EEF2K: variants seen among roughly 807,000 people sequenced by gnomAD.
The protein encoded by EEF2K is alternative protein EEF2K.
A neutral mutation model predicts 93.8 loss-of-function variants in EEF2K; 70 were observed. The observed-to-expected ratio is 0.75, with a 90% CI of 0.62 to 0.91. EEF2K has a LOEUF of 0.91. Among genes scored for constraint, EEF2K ranks in the 40% least tolerant of loss-of-function variants. EEF2K has a pLI of 0.00. For missense variants in EEF2K, 935 were observed against 972.9 expected (o/e 0.96, Z 0.52); for synonymous variants, 376 against 380.8 (o/e 0.99, Z 0.15).
At chr16:22,248,897 C>T in intron 4 of EEF2K, 82 bp downstream of exon 4, 1 of 1,341,580 alleles carries the variant, frequency 7.5e-7, no homozygotes, top group African/African-American at 1.5e-5. Context: ...ACCCTTCTCT[C>T]CCACTCCCAC....
intron 16 of EEF2K, among the ~76,000 whole-genome samples, chr16:22,274,270 A>G (rs1362431512): frequency 6.6e-6 from 1 of 151,988 alleles, no homozygotes; most frequent in Non-Finnish European, 1.5e-5. Flanking sequence ...GTGAAACCCC[A>G]TCTCTACTAA....
intron 1 of EEF2K, among the ~76,000 whole-genome samples, chr16:22,214,744 A>AAG (rs1332874150): frequency 2.0e-5 from 3 of 152,174 alleles, no homozygotes; most frequent in African/African-American, 7.2e-5. Flanking sequence ...CTGCGTCTTG[A>AAG]AGAGATTAAA....
intron 6 of EEF2K, among the ~76,000 whole-genome samples, chr16:22,253,471 C>T (rs1270228452): frequency 3.9e-5 from 6 of 152,148 alleles, no homozygotes; most frequent in Non-Finnish European, 7.3e-5. Flanking sequence ...CCTCCACAAG[C>T]TTGTTCCTGC....
chr16:22,253,474 G>T (rs1264124082), intron 6 of EEF2K, among the ~76,000 whole-genome samples: 1 of 152,000 alleles, frequency 6.6e-6, no homozygotes, highest in Non-Finnish European at 1.5e-5. Flanking sequence ...CCACAAGCTT[G>T]TTCCTGCCCC....
intron 1 of EEF2K, among the ~76,000 whole-genome samples, chr16:22,216,435 A>G (rs1567258472): frequency 6.6e-6 from 1 of 152,092 alleles, no homozygotes; most frequent in Non-Finnish European, 1.5e-5. Flanking sequence ...TTTGAGGTTG[A>G]TAAGCTTTTG....
chr16:22,250,795 C>T, intron 5 of EEF2K, 104 bp downstream of exon 5: 1 of 1,459,976 alleles, frequency 6.8e-7, no homozygotes, highest in Non-Finnish European at 9.4e-7. Flanking sequence ...AGCCAGGGGC[C>T]TCTGCCTTCT....
At chr16:22,266,934 T>C (rs987259745) in intron 15 of EEF2K, 58 bp downstream of exon 15, 1 of 1,536,530 alleles carries the variant, frequency 6.5e-7, no homozygotes, top group Admixed American at 1.9e-5. Context: ...CACCCTGTGG[T>C]TCACCTGCCT....
At chr16:22,248,597 C>G (rs1203309159) in intron 3 of EEF2K, among the ~76,000 whole-genome samples, 158 bp from the exon 4 acceptor site, 2 of 152,086 alleles carry the variant, frequency 1.3e-5, no homozygotes, top group African/African-American at 4.8e-5. Flanking sequence ...GACAGTGTCT[C>G]CAACCCAACC....
At chr16:22,272,273 A>C (rs9930652) in intron 15 of EEF2K, among the ~76,000 whole-genome samples, 25,212 of 152,180 alleles carry the variant, frequency 0.17, 3,131 homozygotes, top group African/African-American at 0.36. Flanking sequence ...AAAATGGAAA[A>C]CAACCCAAAT....
At chr16:22,248,895 C>G (rs1598185343) in intron 4 of EEF2K, 80 bp downstream of exon 4, 2 of 1,342,692 alleles carry the variant, frequency 1.5e-6, no homozygotes, top group East Asian at 2.5e-5. Flanking sequence ...GCACCCTTCT[C>G]TCCCACTCCC....
At chr16:22,239,906 C>T (rs984103487) in intron 2 of EEF2K, among the ~76,000 whole-genome samples, 1 of 151,908 alleles carries the variant, frequency 6.6e-6, no homozygotes, top group Non-Finnish European at 1.5e-5. Context: ...AGATCGAGAC[C>T]ATCCTGGCCA....
In EEF2K at chr16:22,288,686, A is replaced by G. The variant is rs891251031; in HGVS notation, c.*4690A>G. 6.6e-6 allele frequency: 1 copy of G among 151,780 alleles called. No individual in the cohort carries two copies. Among genetic ancestry groups the G allele is most frequent in the Non-Finnish European group, 1.5e-5 (1 of 68,022 alleles). 9.4% of individuals were successfully genotyped at this position (151,780 alleles called of 1,614,324 possible). On this transcript the variant is annotated 3_prime_UTR_variant, in exon 18 of 18. Coordinates refer to ENST00000263026, the MANE Select transcript of EEF2K (RefSeq NM_013302.5). Reference sequence around the variant, plus strand: ...CTGCGTTACAGATTTATTTTGGCATATGTACTAAGTTCCATTTTCTCTTTA... The same window carrying G: ...CTGCGTTACAGATTTATTTTGGCATGTGTACTAAGTTCCATTTTCTCTTTA...
At chr16:22,264,327 C>T (rs958233752) in intron 12 of EEF2K, among the ~76,000 whole-genome samples, 21 of 145,402 alleles carry the variant, frequency 1.4e-4, no homozygotes, top group African/African-American at 3.1e-4. Context: ...AGTAAAACAG[C>T]TGGGCCTGGT....
At chr16:22,238,164 C>T (rs1342686641) in intron 2 of EEF2K, among the ~76,000 whole-genome samples, 1 of 152,094 alleles carries the variant, frequency 6.6e-6, no homozygotes. Context: ...GTGGCACTCA[C>T]CTGTAATCCC....
rs1236207554 is a variant in EEF2K, at chr16:22,217,352, G to A, written c.-76-8302G>A. 9.9e-5 allele frequency among the ~76,000 whole-genome samples: 15 copies of A among 152,030 alleles called. 1 individual carries two copies. Among genetic ancestry groups the A allele is most frequent in the Admixed American group, 7.2e-4 (11 of 15,230 alleles). ...AAAGGTTGTTCACTAGAGTTGAGCA[G>A]TACCCCACCTATATGATCATATACA... On this transcript the variant is annotated intron_variant, in intron 1 of 17. Coordinates refer to ENST00000263026, the MANE Select transcript of EEF2K (RefSeq NM_013302.5).
chr16:22,237,708 C>T (rs1376325659), intron 2 of EEF2K, among the ~76,000 whole-genome samples: 1 of 152,122 alleles, frequency 6.6e-6, no homozygotes, highest in Non-Finnish European at 1.5e-5. Context: ...AATACATTCT[C>T]ATTGTAAAAA....
chr16:22,284,020 T>C lies in EEF2K; in HGVS notation c.*24T>C, dbSNP rs886429268. 2 of 1,550,334 alleles carry C rather than the reference T, an allele frequency of 1.3e-6. No individual in the cohort carries two copies. The highest frequency in any genetic ancestry group is 1.7e-6 in the Non-Finnish European group (2 of 1,143,442). On this transcript the variant is annotated 3_prime_UTR_variant, in exon 18 of 18. Transcript: ENST00000263026. ...AACCAGGAAAATCACTGCCGGCTAG[T>C]CCCAAGCAAACGGGCTAGGAGGAAA...
At chr16:22,271,301 G>A (rs2047579455) in intron 15 of EEF2K, among the ~76,000 whole-genome samples, 1 of 152,194 alleles carries the variant, frequency 6.6e-6, no homozygotes, top group Middle Eastern at 3.4e-3. Flanking sequence ...CATTCAGCCA[G>A]TGGTGTGCTG....
intron 1 of EEF2K, among the ~76,000 whole-genome samples, chr16:22,212,324 C>T (rs920353041): frequency 1.2e-4 from 18 of 151,458 alleles, no homozygotes; most frequent in Non-Finnish European, 2.5e-4. Flanking sequence ...TTCTCTGTCT[C>T]TTTCTTTTTT....
Sources: allele counts gnomAD v4.1 joint callset (sites outside exome capture counted in the v4.1 genomes callset), GRCh38; gene constraint gnomAD v4.1.1; transcripts MANE v1.5; gene names NCBI Gene and HGNC (gene_info 2026-07-23, HGNC 2026-07-21).